Variants in FMN2 observed in about 807,000 individuals in gnomAD.
FMN2 encodes formin-2.
A neutral mutation model predicts 142.3 loss-of-function variants in FMN2; 51 were observed. The ratio of observed to expected loss-of-function variants is 0.36; its 90% CI spans 0.29 to 0.45. The LOEUF is 0.45. Among genes scored for constraint, FMN2 ranks in the 20% least tolerant of loss-of-function variants. The pLI, the probability that FMN2 is intolerant of heterozygous loss-of-function variation, is 1.00. For synonymous variants in FMN2, 882 were observed against 869.8 expected (o/e 1.01, Z -0.25); for missense variants, 1,936 against 2,122.8 (o/e 0.91, Z 1.73).
At chr1:240,425,406 G>A (rs893622212) in intron 15 of FMN2, among the ~76,000 whole-genome samples, 1 of 152,174 alleles carries the variant, frequency 6.6e-6, no homozygotes, top group African/African-American at 2.4e-5. Context: ...CTAGCCAAAA[G>A]TAAAGTAAAA....
chr1:240,348,213 G>GT (rs1553366757), intron 13 of FMN2, among the ~76,000 whole-genome samples: 1 of 145,986 alleles, frequency 6.8e-6, no homozygotes, highest in Admixed American at 6.8e-5. Flanking sequence ...AGTATATGTT[G>GT]TTTTTTTTAC....
At chr1:240,169,867 A>C (rs926933839) in intron 2 of FMN2, among the ~76,000 whole-genome samples, 3 of 152,142 alleles carry the variant, frequency 2.0e-5, no homozygotes, top group African/African-American at 7.2e-5. Context: ...CCCTTCATGC[A>C]AACTGTGGCA....
intron 15 of FMN2, among the ~76,000 whole-genome samples, chr1:240,413,146 A>AAAAAAAAAAAAC: frequency 6.7e-6 from 1 of 148,492 alleles, no homozygotes; most frequent in East Asian, 2.0e-4. Flanking sequence ...AAAAAAAAAA[A>AAAAAAAAAAAAC]AAAGCAGCAA....
intron 16 of FMN2, among the ~76,000 whole-genome samples, chr1:240,469,398 GC>G (rs1039255480): frequency 6.6e-6 from 1 of 152,148 alleles, no homozygotes; most frequent in Non-Finnish European, 1.5e-5. Flanking sequence ...ATTTATGTGT[GC>G]ATAACTAGAG....
chr1:240,220,667 T>TTGTGTG lies in FMN2; in HGVS notation c.4065+9456_4065+9461dup, dbSNP rs71792127. 2.8e-3 allele frequency among the ~76,000 whole-genome samples: 421 copies of TTGTGTG among 149,192 alleles called. 1 individual carries two copies. The highest frequency in any genetic ancestry group is 4.3e-3 in the Non-Finnish European group (288 of 67,300). On this transcript the variant is annotated intron_variant, in intron 6 of 17. Coordinates refer to ENST00000319653, the MANE Select transcript of FMN2 (RefSeq NM_020066.5). ...AAGCTTCACTGGCATGAGTCTGTGT[T>TTGTGTG]TGTGTGTGTGTGTGTGTGTGTGTGT...
At chr1:240,329,001 C>G (rs1671290958) in intron 8 of FMN2, 75 bp from the exon 9 acceptor site, 2 of 1,281,760 alleles carry the variant, frequency 1.6e-6, no homozygotes, top group Admixed American at 4.0e-5. Context: ...GCAAATTTAT[C>G]AAGATAATTA....
chr1:240,394,063 G>A (rs1043084861), intron 15 of FMN2, among the ~76,000 whole-genome samples: 13 of 152,158 alleles, frequency 8.5e-5, no homozygotes, highest in Non-Finnish European at 2.9e-5. Flanking sequence ...ACAGGAATTA[G>A]GGAGGGGTAA....
intron 15 of FMN2, chr1:240,400,972 A>G (rs1855894): frequency 0.39 from 59,274 of 151,760 alleles, 12,381 homozygotes; most frequent in East Asian, 0.73. Context: ...ATAATATAAA[A>G]AAATTAGCCA....
At chr1:240,425,204 T>TGAGAGA (rs142399934) in intron 15 of FMN2, among the ~76,000 whole-genome samples, 2,347 of 134,682 alleles carry the variant, frequency 0.017, 41 homozygotes, top group African/African-American at 0.044. Flanking sequence ...TTGAATGAGG[T>TGAGAGA]GAGAGAGAGA....
chr1:240,361,534 G>C (rs1252037912), intron 14 of FMN2, among the ~76,000 whole-genome samples: 2 of 152,208 alleles, frequency 1.3e-5, no homozygotes, highest in Admixed American at 6.5e-5. Context: ...AGCTGTGAGG[G>C]ATAATAATAA....
Position 240,218,382 on chromosome 1 carries a change from G to A in FMN2, c.4065+7147G>A, listed in dbSNP as rs149611155. 5.6e-3 allele frequency among the ~76,000 whole-genome samples: 844 copies of A among 151,538 alleles called. 4 individuals carry two copies. Among genetic ancestry groups the A allele is most frequent in the Non-Finnish European group, 9.5e-3 (646 of 67,912 alleles). ...TAGAATGTTCTGTGTATAATTCATAGGAATTGAAGAAAGATTATAGAATAG... is the reference window on the plus strand; with the variant it reads ...TAGAATGTTCTGTGTATAATTCATAAGAATTGAAGAAAGATTATAGAATAG... On this transcript the variant is annotated intron_variant, in intron 6 of 17. Coordinates refer to ENST00000319653, the MANE Select transcript of FMN2 (RefSeq NM_020066.5).
At chr1:240,189,677 T>C (rs1665626601) in intron 4 of FMN2, among the ~76,000 whole-genome samples, 1 of 152,218 alleles carries the variant, frequency 6.6e-6, no homozygotes, top group African/African-American at 2.4e-5. Context: ...TTTTTCCAGC[T>C]TATTGTTATG....
At chr1:240,418,952 C>CA (rs1470138209) in intron 15 of FMN2, among the ~76,000 whole-genome samples, 1 of 151,896 alleles carries the variant, frequency 6.6e-6, no homozygotes, top group African/African-American at 2.4e-5. Context: ...ACTAAAAATA[C>CA]AAAAAATTAG....
chr1:240,308,778 A>G (rs1448236590), intron 8 of FMN2, among the ~76,000 whole-genome samples: 1 of 152,206 alleles, frequency 6.6e-6, no homozygotes, highest in Non-Finnish European at 1.5e-5. Flanking sequence ...TATTTTGAAG[A>G]ATATGCCAGT....
At chr1:240,247,332 A>G (rs1393644026) in intron 6 of FMN2, among the ~76,000 whole-genome samples, 1 of 151,974 alleles carries the variant, frequency 6.6e-6, no homozygotes, top group Non-Finnish European at 1.5e-5. Context: ...GAGAAACCCC[A>G]TCTCTGCTGT....
At chr1:240,460,618 CATAA>C (rs1676417460) in intron 16 of FMN2, among the ~76,000 whole-genome samples, 1 of 151,332 alleles carries the variant, frequency 6.6e-6, no homozygotes, top group African/African-American at 2.4e-5. Context: ...TGAATAGAAA[CATAA>C]ATAAATAAAA....
chr1:240,470,389 A>G (rs879097669), intron 16 of FMN2, among the ~76,000 whole-genome samples: 1 of 152,206 alleles, frequency 6.6e-6, no homozygotes, highest in South Asian at 2.1e-4. Context: ...GGTGAAAAGT[A>G]ATAAAAGTGG....
At chr1:240,180,138 T>A in intron 3 of FMN2, 1 of 1,264,260 alleles carries the variant, frequency 7.9e-7, no homozygotes. Flanking sequence ...ATGAAATAAC[T>A]TGTCTCCTTT....
At chr1:240,448,913 C>T (rs1675914082) in intron 16 of FMN2, among the ~76,000 whole-genome samples, 1 of 151,958 alleles carries the variant, frequency 6.6e-6, no homozygotes, top group African/African-American at 2.4e-5. Context: ...GGGGCCAAGG[C>T]GGGTGGATGG....
Sources: gnomAD v4.1 joint callset for allele counts (sites outside exome capture counted in the v4.1 genomes callset) on GRCh38, gnomAD v4.1.1 for gene constraint, MANE v1.5 for transcripts, NCBI Gene and HGNC (gene_info 2026-07-23, HGNC 2026-07-21) for gene names.